The following MAML3 variants were observed in gnomAD, a reference collection of about 807,000 sequenced individuals.
MAML3 encodes mastermind like transcriptional coactivator 3, also known as mastermind-like protein 3.
Under a neutral mutation model 101.9 loss-of-function variants are expected in MAML3, and 27 were observed. The observed-to-expected ratio is 0.27, with a 90% CI of 0.20 to 0.37. The LOEUF is 0.37. Among genes scored for constraint, MAML3 ranks in the 10% least tolerant of loss-of-function variants. MAML3 has a pLI of 1.00. For synonymous variants in MAML3, 501 were observed against 555.9 expected (o/e 0.90, Z 1.39); for missense variants, 1,316 against 1,444.9 (o/e 0.91, Z 1.45).
intron 1 of MAML3, among the ~76,000 whole-genome samples, chr4:139,928,509 A>G (rs1299605138): frequency 6.6e-6 from 1 of 151,838 alleles, no homozygotes; most frequent in African/African-American, 2.4e-5. Context: ...CATTGAAAAA[A>G]TAATGAAAGG....
intron 2 of MAML3, among the ~76,000 whole-genome samples, chr4:139,804,679 A>T (rs959994799): frequency 6.6e-6 from 1 of 152,210 alleles, no homozygotes; most frequent in African/African-American, 2.4e-5. Context: ...CTCTTTCTGC[A>T]AGCATATTAA....
intron 1 of MAML3, among the ~76,000 whole-genome samples, chr4:139,968,228 T>C (rs115691514): frequency 1.3e-5 from 2 of 149,246 alleles, no homozygotes; most frequent in Non-Finnish European, 3.0e-5. Flanking sequence ...TGAGAATCAC[T>C]GAACCTCGGA....
intron 2 of MAML3, among the ~76,000 whole-genome samples, chr4:139,858,878 C>T (rs774264154): frequency 6.6e-6 from 1 of 152,112 alleles, no homozygotes; most frequent in Non-Finnish European, 1.5e-5. Flanking sequence ...ACAGTTAAGA[C>T]TGAAATTAAT....
intron 1 of MAML3, among the ~76,000 whole-genome samples, chr4:140,087,335 C>T (rs1578678201): frequency 1.3e-5 from 2 of 152,204 alleles, no homozygotes; most frequent in East Asian, 3.9e-4. Flanking sequence ...CCATAGCATC[C>T]CATTCTAAAG....
chr4:139,910,877 G>C (rs994471443), intron 1 of MAML3, among the ~76,000 whole-genome samples: 8 of 152,170 alleles, frequency 5.3e-5, no homozygotes, highest in African/African-American at 4.8e-5. Context: ...ATATATAATT[G>C]TGGTTAAAAT....
At chr4:139,802,301 C>T (rs188199156) in intron 2 of MAML3, among the ~76,000 whole-genome samples, 57 of 152,272 alleles carry the variant, frequency 3.7e-4, no homozygotes, top group African/African-American at 1.1e-3. Flanking sequence ...CACCTCTCCC[C>T]GCAGTGTCTG....
At chr4:139,977,671 G>A (rs1215238248) in intron 1 of MAML3, among the ~76,000 whole-genome samples, 5 of 151,992 alleles carry the variant, frequency 3.3e-5, no homozygotes, top group Admixed American at 2.0e-4. Context: ...TCATGAGTTC[G>A]AGACCAGCCC....
intron 1 of MAML3, among the ~76,000 whole-genome samples, chr4:140,145,625 G>C (rs1025301524): frequency 5.3e-5 from 8 of 152,218 alleles, no homozygotes; most frequent in Non-Finnish European, 1.2e-4. Flanking sequence ...GAGTGTAGTG[G>C]CACGATCTCA....
intron 1 of MAML3, among the ~76,000 whole-genome samples, chr4:139,981,957 G>A (rs529937111): frequency 1.4e-4 from 22 of 152,268 alleles, no homozygotes; most frequent in African/African-American, 4.3e-4. Flanking sequence ...CTGGCTGAGG[G>A]AGTATTTGCC....
Position 140,117,001 on chromosome 4 carries a change from T to C in MAML3, c.468+35859A>G, listed in dbSNP as rs2111018888. The stretch of plus-strand genomic sequence containing the variant: ...TGTTAGATCTCTAGCTTGCAGAACA[T>C]GCTGAGTTCCAGACTTGGACTGTCT... On this transcript the variant is annotated intron_variant, in intron 1 of 4. Transcript: ENST00000509479. Among the ~76,000 whole-genome samples the C allele has an allele frequency of 1.3e-5, 2 of 152,314 alleles. 1 individual carries two copies. The highest frequency in any genetic ancestry group is 2.9e-5 in the Non-Finnish European group (2 of 68,024).
rs1473178443 is a variant in MAML3, at chr4:139,886,582, C to T, written c.2079+2775G>A. 2.0e-5 allele frequency among the ~76,000 whole-genome samples: 3 copies of T among 152,092 alleles called. No individual in the cohort carries two copies. In the East Asian group the frequency reaches 5.8e-4, roughly 29 times the overall value. ...TTGTAACATATAATTGTTTTATGAT[C>T]TATTTTATTCATATTATGAGCATTT... On this transcript the variant is annotated intron_variant, in intron 2 of 4. Transcript: ENST00000509479.
intron 1 of MAML3, among the ~76,000 whole-genome samples, 197 bp from the exon 2 acceptor site, chr4:139,891,164 T>C (rs917437384): frequency 1.9e-4 from 29 of 152,058 alleles, no homozygotes; most frequent in South Asian, 2.1e-4. Context: ...AAAGCAGAGC[T>C]CACAGGGCTA....
Position 139,889,424 on chromosome 4 carries a change from A to G in MAML3, c.2012T>C (p.Leu671Pro). 1 of 1,614,050 alleles carries G rather than the reference A, an allele frequency of 6.2e-7. No homozygotes were observed. The highest frequency in any genetic ancestry group is 8.5e-7 in the Non-Finnish European group (1 of 1,179,904). ...CATCACTCCTTTCTGCTTCATGAGA[A>G]GCAGGCGTTTCTGGTCTTCGCTCAG... Reference protein sequence around the residue: ...AHLSEDQKRLLLMKQKGVMNQ... With the variant: ...AHLSEDQKRLPLMKQKGVMNQ... The change falls in exon 2 of 5, where the codon CTT (leucine) becomes CCT (proline). Residue 671 changes from leucine (L) to proline (P), a missense_variant. Transcript: ENST00000509479.
intron 2 of MAML3, among the ~76,000 whole-genome samples, chr4:139,874,979 A>AT (rs749635248): frequency 2.6e-4 from 40 of 151,736 alleles, no homozygotes; most frequent in Non-Finnish European, 1.3e-4. Flanking sequence ...AATTTTTTGT[A>AT]TTTTTAGTAA....
At chr4:139,848,924 AAC>A (rs1365132639) in intron 2 of MAML3, among the ~76,000 whole-genome samples, 1 of 152,220 alleles carries the variant, frequency 6.6e-6, no homozygotes, top group Non-Finnish European at 1.5e-5. Flanking sequence ...ATAAACAATT[AAC>A]ACAGATTAGC....
At chr4:140,046,039 C>A (rs191094361) in intron 1 of MAML3, among the ~76,000 whole-genome samples, 19 of 152,252 alleles carry the variant, frequency 1.2e-4, no homozygotes, top group African/African-American at 4.6e-4. Context: ...CTCTAAAAAC[C>A]CTGAGAGAAT....
At chr4:139,814,874 C>T (rs773274331) in intron 2 of MAML3, among the ~76,000 whole-genome samples, 13 of 152,104 alleles carry the variant, frequency 8.5e-5, no homozygotes, top group East Asian at 1.9e-4. Context: ...ACCTGGGCAA[C>T]GGAAGACAAA....
chr4:140,032,230 A>G (rs769673668), intron 1 of MAML3, among the ~76,000 whole-genome samples: 13 of 152,156 alleles, frequency 8.5e-5, no homozygotes, highest in African/African-American at 4.8e-5. Flanking sequence ...CAACCCACTC[A>G]TTTTCAAAGA....
At chr4:139,822,211 T>TATC (rs1730984154) in intron 2 of MAML3, among the ~76,000 whole-genome samples, 1 of 147,828 alleles carries the variant, frequency 6.8e-6, no homozygotes, top group South Asian at 2.2e-4. Flanking sequence ...GGATCATCAT[T>TATC]ATCATTATCA....
Sources: allele counts gnomAD v4.1 joint callset (sites outside exome capture counted in the v4.1 genomes callset), GRCh38; gene constraint gnomAD v4.1.1; transcripts MANE v1.5; gene names NCBI Gene and HGNC (gene_info 2026-07-23, HGNC 2026-07-21).